The following PTPRK variants were observed in gnomAD, a reference collection of about 807,000 sequenced individuals.
PTPRK encodes protein tyrosine phosphatase receptor type K, also known as receptor-type tyrosine-protein phosphatase kappa.
In PTPRK, 75 loss-of-function variants were observed where a neutral mutation model predicts 178.0. That is an observed-to-expected ratio of 0.42 (90% CI 0.35 to 0.51). PTPRK has a LOEUF of 0.51. Among genes scored for constraint, PTPRK ranks in the 20% least tolerant of loss-of-function variants. The probability of loss-of-function intolerance (pLI) is 0.02; values close to 1 mark genes in which losing one functional copy is unlikely to be tolerated. For missense variants in PTPRK, 1,441 were observed against 1,797.8 expected (o/e 0.80, Z 3.59); for synonymous variants, 637 against 620.6 (o/e 1.03, Z -0.39).
At chr6:128,258,836 G>A (rs754669987) in intron 3 of PTPRK, among the ~76,000 whole-genome samples, 2 of 152,192 alleles carry the variant, frequency 1.3e-5, no homozygotes, top group Non-Finnish European at 2.9e-5. Context: ...TTTGAGATAC[G>A]AATGATCTTG....
intron 7 of PTPRK, among the ~76,000 whole-genome samples, chr6:128,092,960 T>C (rs965077398): frequency 1.3e-5 from 2 of 152,174 alleles, no homozygotes; most frequent in Non-Finnish European, 1.5e-5. Flanking sequence ...GAGCTGGCCA[T>C]AAGAGCTACT....
chr6:128,157,690 GTGA>G (rs1223306827), intron 7 of PTPRK, among the ~76,000 whole-genome samples: 2 of 152,032 alleles, frequency 1.3e-5, no homozygotes, highest in African/African-American at 4.8e-5. Flanking sequence ...CTGATGGCCA[GTGA>G]TGATGAACAT....
At chr6:128,482,405 A>G (rs1469381968) in intron 1 of PTPRK, among the ~76,000 whole-genome samples, 1 of 152,122 alleles carries the variant, frequency 6.6e-6, no homozygotes, top group Non-Finnish European at 1.5e-5. Flanking sequence ...AATCCTGCCT[A>G]TGAATGAGAT....
At chr6:128,408,909 C>T (rs536565459) in intron 1 of PTPRK, among the ~76,000 whole-genome samples, 1 of 152,092 alleles carries the variant, frequency 6.6e-6, no homozygotes, top group Non-Finnish European at 1.5e-5. Flanking sequence ...AAATACTCAA[C>T]AATTGATTAA....
chr6:128,297,052 A>C (rs1383066814), intron 3 of PTPRK, among the ~76,000 whole-genome samples: 1 of 151,434 alleles, frequency 6.6e-6, no homozygotes, highest in Non-Finnish European at 1.5e-5. Context: ...AATGGAAAAC[A>C]AAAAAAGGCA....
intron 2 of PTPRK, among the ~76,000 whole-genome samples, chr6:128,396,313 ATATAT>A (rs1490626171): frequency 1.3e-5 from 2 of 148,614 alleles, no homozygotes; most frequent in Non-Finnish European, 3.0e-5. Flanking sequence ...TAATTATATT[ATATAT>A]TATAATAGCA....
chr6:128,131,220 A>G (rs1201264102), intron 7 of PTPRK, among the ~76,000 whole-genome samples: 2 of 152,168 alleles, frequency 1.3e-5, no homozygotes, highest in Non-Finnish European at 2.9e-5. Flanking sequence ...CTTTCTTTCA[A>G]AGTCACTGGA....
At chr6:128,354,545 G>A (rs552331253) in intron 2 of PTPRK, among the ~76,000 whole-genome samples, 35 of 152,064 alleles carry the variant, frequency 2.3e-4, no homozygotes, top group African/African-American at 5.5e-4. Flanking sequence ...TCCTTTACAT[G>A]TTTAATGTTA....
chr6:127,972,082 C>T (rs116759645), intron 29 of PTPRK, among the ~76,000 whole-genome samples: 5 of 151,972 alleles, frequency 3.3e-5, no homozygotes, highest in Admixed American at 2.0e-4. Flanking sequence ...AGTCTGGTAC[C>T]GCTTGTAAAA....
chr6:128,238,185 C>CAAAAAAAAAAA (rs58051125), intron 5 of PTPRK: 88 of 206,344 alleles, frequency 4.3e-4, no homozygotes, highest in East Asian at 5.5e-4. Flanking sequence ...TAGCAAACGC[C>CAAAAAAAAAAA]AAAAAAAAAA....
At chr6:128,004,120 T>C (rs1327995858) in intron 15 of PTPRK, among the ~76,000 whole-genome samples, 1 of 151,832 alleles carries the variant, frequency 6.6e-6, no homozygotes, top group Non-Finnish European at 1.5e-5. Context: ...ATAATACTTA[T>C]ATTGTTTCTT....
At chr6:128,135,839 AT>A (rs1450927531) in intron 7 of PTPRK, among the ~76,000 whole-genome samples, 4 of 151,952 alleles carry the variant, frequency 2.6e-5, no homozygotes, top group East Asian at 3.9e-4. Flanking sequence ...ATAAAAAAAA[AT>A]AAAAATAAAA....
intron 2 of PTPRK, among the ~76,000 whole-genome samples, chr6:128,350,709 G>A (rs1423561344): frequency 1.3e-5 from 2 of 152,112 alleles, no homozygotes; most frequent in African/African-American, 2.4e-5. Flanking sequence ...GGGCCTATAC[G>A]TCCATGAGGC....
intron 18 of PTPRK, among the ~76,000 whole-genome samples, chr6:127,993,601 C>A (rs1011337070): frequency 1.3e-5 from 2 of 151,362 alleles, no homozygotes; most frequent in African/African-American, 4.8e-5. Context: ...GATCTCCAAC[C>A]TAAAATTTAA....
chr6:128,317,763 A>T (rs1393683170), intron 3 of PTPRK, among the ~76,000 whole-genome samples: 1 of 152,122 alleles, frequency 6.6e-6, no homozygotes, highest in Non-Finnish European at 1.5e-5. Flanking sequence ...CCATGTTCTC[A>T]TACAACACTC....
At chr6:128,340,442 T>C (rs1190251399) in intron 2 of PTPRK, among the ~76,000 whole-genome samples, 1 of 152,172 alleles carries the variant, frequency 6.6e-6, no homozygotes, top group East Asian at 1.9e-4. Context: ...AACCTCTAAA[T>C]GTACAAGAAA....
At chr6:128,420,040 A>C (rs981660368) in intron 1 of PTPRK, among the ~76,000 whole-genome samples, 1 of 152,176 alleles carries the variant, frequency 6.6e-6, no homozygotes, top group African/African-American at 2.4e-5. Context: ...CATGCGTAAC[A>C]CTGAATGTGT....
intron 7 of PTPRK, among the ~76,000 whole-genome samples, chr6:128,120,179 C>T (rs187450462): frequency 4.9e-4 from 75 of 151,944 alleles, no homozygotes; most frequent in African/African-American, 1.8e-3. Flanking sequence ...TAATTTTTTG[C>T]ATGTCAATTC....
In PTPRK at chr6:128,014,708, C is replaced by A. The variant is rs1159722846; in HGVS notation, c.2195-5440G>T. Among the ~76,000 whole-genome samples, 3 of 151,524 alleles carry A rather than the reference C, an allele frequency of 2.0e-5. No homozygotes were observed. In the Admixed American group the frequency reaches 2.0e-4, roughly 10 times the overall value. On this transcript the variant is annotated intron_variant, in intron 13 of 29. Coordinates refer to ENST00000368226, the MANE Select transcript of PTPRK (RefSeq NM_002844.4). ...CTTAGCTGCCTATTATATAAATATA[C>A]AATGACAGGTTTTGTAAAGCACATG...
Sources: allele counts gnomAD v4.1 joint callset (sites outside exome capture counted in the v4.1 genomes callset), GRCh38; gene constraint gnomAD v4.1.1; transcripts MANE v1.5; gene names NCBI Gene and HGNC (gene_info 2026-07-23, HGNC 2026-07-21).